The following PAPPA2 variants were observed in gnomAD, a reference collection of about 807,000 sequenced individuals.
PAPPA2 encodes the protein pappalysin 2, also known as pappalysin-2.
A neutral mutation model predicts 176.4 loss-of-function variants in PAPPA2; 86 were observed. The ratio of observed to expected loss-of-function variants is 0.49; its 90% CI spans 0.41 to 0.58. PAPPA2 has a LOEUF of 0.58. PAPPA2 is among the 20% of genes least tolerant of loss of function. PAPPA2 has a pLI of 0.00. For missense variants in PAPPA2, 2,073 were observed against 2,256.9 expected, an observed-to-expected ratio of 0.92 and a Z score of 1.65; for synonymous variants, 809 against 852.2, an observed-to-expected ratio of 0.95 and a Z score of 0.88.
chr1:176,791,065 G>A (rs1665153042), intron 18 of PAPPA2, among the ~76,000 whole-genome samples: 1 of 151,786 alleles, frequency 6.6e-6, no homozygotes, highest in Non-Finnish European at 1.5e-5. Context: ...ATGAGCTTCG[G>A]TTGATAGCTG....
intron 3 of PAPPA2, among the ~76,000 whole-genome samples, chr1:176,657,232 G>C (rs142441599): frequency 6.6e-6 from 1 of 151,956 alleles, no homozygotes; most frequent in Non-Finnish European, 1.5e-5. Context: ...CAGATGAAAA[G>C]AAGTTATCCT....
chr1:176,584,940 A>G (rs1653219589), intron 2 of PAPPA2, among the ~76,000 whole-genome samples: 3 of 152,156 alleles, frequency 2.0e-5, no homozygotes, highest in South Asian at 4.1e-4. Context: ...GGTTTTCACC[A>G]TCTTGGCCAG....
intron 4 of PAPPA2, among the ~76,000 whole-genome samples, chr1:176,672,152 A>G (rs1232898535): frequency 6.6e-6 from 1 of 152,090 alleles, no homozygotes; most frequent in Non-Finnish European, 1.5e-5. Context: ...TTACTGACCA[A>G]GCAAGAAGAG....
intron 19 of PAPPA2, among the ~76,000 whole-genome samples, chr1:176,792,696 A>G (rs1665236225): frequency 6.6e-6 from 1 of 152,190 alleles, no homozygotes; most frequent in Admixed American, 6.5e-5. Flanking sequence ...ATGTACCCTA[A>G]AACTTAAAGT....
chr1:176,623,743 TC>T (rs1655815540), intron 3 of PAPPA2, among the ~76,000 whole-genome samples: 2 of 99,640 alleles, frequency 2.0e-5, no homozygotes, highest in African/African-American at 8.3e-5. Flanking sequence ...TTTCTTTCTC[TC>T]TCTTTCCTTC....
intron 3 of PAPPA2, among the ~76,000 whole-genome samples, chr1:176,603,180 T>C (rs1466684357): frequency 6.6e-6 from 1 of 152,264 alleles, no homozygotes; most frequent in African/African-American, 2.4e-5. Flanking sequence ...CTTCGGCTTT[T>C]TCCTAGGAGT....
intron 12 of PAPPA2, among the ~76,000 whole-genome samples, chr1:176,718,927 A>G (rs1317895514): frequency 6.6e-6 from 1 of 151,992 alleles, no homozygotes; most frequent in African/African-American, 2.4e-5. Context: ...GAAATTTCCT[A>G]TACTATATAT....
At chr1:176,833,948 G>A (rs1023161488) in intron 21 of PAPPA2, among the ~76,000 whole-genome samples, 1 of 152,104 alleles carries the variant, frequency 6.6e-6, no homozygotes, top group African/African-American at 2.4e-5. Context: ...ATCTGGACCT[G>A]TGTCTAAGTT....
intron 3 of PAPPA2, among the ~76,000 whole-genome samples, chr1:176,661,678 C>G (rs969502412): frequency 3.3e-5 from 5 of 151,758 alleles, no homozygotes; most frequent in African/African-American, 1.2e-4. Flanking sequence ...AGGCGGTCAT[C>G]TCCCAGTCAC....
chr1:176,516,871 G>A (rs564045616), intron 1 of PAPPA2, among the ~76,000 whole-genome samples: 1 of 152,312 alleles, frequency 6.6e-6, no homozygotes, highest in East Asian at 1.9e-4. Flanking sequence ...CTATGTAGGT[G>A]AATCACATTC....
At chr1:176,567,827 A>G (rs554530863) in intron 2 of PAPPA2, among the ~76,000 whole-genome samples, 55 of 152,358 alleles carry the variant, frequency 3.6e-4, no homozygotes, top group South Asian at 1.2e-3. Flanking sequence ...GAGAAACAGA[A>G]CAAGTACTGG....
intron 1 of PAPPA2, among the ~76,000 whole-genome samples, chr1:176,499,820 C>T (rs1647856322): frequency 6.6e-6 from 1 of 152,148 alleles, no homozygotes; most frequent in Non-Finnish European, 1.5e-5. Context: ...TGGATAACAA[C>T]CTTTTGGGGT....
chr1:176,472,952 T>C (rs1172590827), intron 1 of PAPPA2, among the ~76,000 whole-genome samples: 2 of 152,152 alleles, frequency 1.3e-5, no homozygotes, highest in African/African-American at 4.8e-5. Context: ...TCCCCACTTA[T>C]GTGCCAATTC....
chr1:176,722,195 G>A (rs551046700), intron 12 of PAPPA2, among the ~76,000 whole-genome samples: 2 of 152,012 alleles, frequency 1.3e-5, no homozygotes, highest in African/African-American at 2.4e-5. Context: ...TGATGGAGGG[G>A]TCTGTTTAGG....
At chr1:176,698,943 C>G (rs1660512050) in intron 7 of PAPPA2, among the ~76,000 whole-genome samples, 157 bp from the exon 8 acceptor site, 1 of 152,124 alleles carries the variant, frequency 6.6e-6, no homozygotes, top group Non-Finnish European at 1.5e-5. Flanking sequence ...CACCTTTGTT[C>G]TTACTAGTAC....
chr1:176,558,280 C>A (rs1486522776), intron 2 of PAPPA2, among the ~76,000 whole-genome samples: 1 of 152,120 alleles, frequency 6.6e-6, no homozygotes, highest in East Asian at 1.9e-4. Flanking sequence ...GAAACTGAGG[C>A]AATAAAAGGC....
chr1:176,605,640 A>C (rs958625500), intron 3 of PAPPA2, among the ~76,000 whole-genome samples: 4 of 152,162 alleles, frequency 2.6e-5, no homozygotes, highest in Non-Finnish European at 5.9e-5. Context: ...TTCTCATAGT[A>C]CCTTGGTTCA....
intron 3 of PAPPA2, among the ~76,000 whole-genome samples, chr1:176,654,618 T>C (rs1657926131): frequency 6.6e-6 from 1 of 151,382 alleles, no homozygotes; most frequent in South Asian, 2.1e-4. Context: ...TTTGAAAAAA[T>C]GTTGCATTTT....
At chr1:176,698,009 A>C (rs1282430401) in intron 7 of PAPPA2, among the ~76,000 whole-genome samples, 1 of 152,212 alleles carries the variant, frequency 6.6e-6, no homozygotes, top group African/African-American at 2.4e-5. Context: ...ACACAGTTGC[A>C]CACACATATT....
Sources: allele counts gnomAD v4.1 joint callset (sites outside exome capture counted in the v4.1 genomes callset), GRCh38; gene constraint gnomAD v4.1.1; transcripts MANE v1.5; gene names NCBI Gene and HGNC (gene_info 2026-07-23, HGNC 2026-07-21).